IPO9: variants seen among roughly 807,000 people sequenced by gnomAD.
The protein encoded by IPO9 is importin 9.
IPO9 carries 28 observed loss-of-function variants against 128.6 expected under a neutral mutation model. That is an observed-to-expected ratio of 0.22 (90% CI 0.16 to 0.30). IPO9 has a LOEUF of 0.30. Ranked by LOEUF, IPO9 falls within the 10% of genes least tolerant of loss-of-function variation. IPO9 has a pLI of 1.00. For missense variants in IPO9, 935 were observed against 1,293.9 expected (o/e 0.72, Z 4.26); for synonymous variants, 455 against 475.8 (o/e 0.96, Z 0.57).
chr1:201,879,371 C>A lies in IPO9; in HGVS notation c.*3317C>A, dbSNP rs1400869377. The stretch of plus-strand genomic sequence containing the variant: ...AAGTTGGTAACTGACCACTAACTAA[C>A]AAACTATAAATTCACCCATTGTGGG... On this transcript the variant is annotated 3_prime_UTR_variant, in exon 24 of 24. Transcript: ENST00000361565. 1 of 152,198 alleles carries A rather than the reference C, an allele frequency of 6.6e-6. No homozygotes were observed. Among genetic ancestry groups the A allele is most frequent in the East Asian group, 1.9e-4 (1 of 5,188 alleles). 9.4% of individuals were successfully genotyped at this position (152,198 alleles called of 1,614,324 possible).
intron 1 of IPO9, among the ~76,000 whole-genome samples, chr1:201,838,952 C>CT (rs1679987926): frequency 6.7e-6 from 1 of 148,520 alleles, no homozygotes; most frequent in Non-Finnish European, 1.5e-5. Flanking sequence ...TGGAGCCTTG[C>CT]TGTGTCACCC....
At position 201,883,457 on chromosome 1, in the gene IPO9, T is replaced by C. The variant is rs1303277652; in HGVS notation, c.*7403T>C. On this transcript the variant is annotated 3_prime_UTR_variant, in exon 24 of 24. Coordinates refer to ENST00000361565, the MANE Select transcript of IPO9 (RefSeq NM_018085.5). ...ATTGTGGCAAAGCACCTGGAGATGA[T>C]AGAACTTCCTAGGGAAAAGGCTGCA... The C allele has an allele frequency of 6.6e-6, 1 of 152,116 alleles. No homozygotes were observed. Among genetic ancestry groups the C allele is most frequent in the Non-Finnish European group, 1.5e-5 (1 of 68,016 alleles). The allele number at this position is 152,116 out of a possible 1,614,324, so 9.4% of individuals were successfully genotyped here. A position where few individuals can be genotyped will look rare whatever the true frequency, so the allele number is the denominator to read the frequency against.
chr1:201,838,632 G>T (rs770106152), intron 1 of IPO9, among the ~76,000 whole-genome samples: 3 of 152,018 alleles, frequency 2.0e-5, no homozygotes, highest in Non-Finnish European at 4.4e-5. Context: ...CAGAAAGAAT[G>T]TGGCTTCTTC....
intron 13 of IPO9, among the ~76,000 whole-genome samples, chr1:201,859,396 A>G (rs1340795402): frequency 6.6e-6 from 1 of 151,766 alleles, no homozygotes; most frequent in Non-Finnish European, 1.5e-5. Context: ...CTAGTTCATA[A>G]TTCTTCCGTG....
intron 1 of IPO9, among the ~76,000 whole-genome samples, chr1:201,841,517 T>C (rs1018786441): frequency 6.6e-6 from 1 of 152,190 alleles, no homozygotes; most frequent in Non-Finnish European, 1.5e-5. Flanking sequence ...TTCCTAGCTC[T>C]GTTCTCTGAG....
At chr1:201,850,338 G>T (rs778558069) in intron 4 of IPO9, 1 of 152,232 alleles carries the variant, frequency 6.6e-6, no homozygotes, top group South Asian at 2.1e-4. Flanking sequence ...GACATTGGTG[G>T]TTGGACAGAG....
intron 4 of IPO9, 117 bp from the exon 5 acceptor site, chr1:201,851,987 T>C: frequency 1.7e-6 from 1 of 593,324 alleles, no homozygotes; most frequent in Non-Finnish European, 3.0e-6. Context: ...GCCAGTGTCT[T>C]TACCTGTGTG....
intron 3 of IPO9, 48 bp from the exon 4 acceptor site, chr1:201,848,345 G>A: frequency 2.0e-6 from 3 of 1,526,048 alleles, no homozygotes; most frequent in Non-Finnish European, 1.8e-6. Context: ...GGCTCTGCCA[G>A]TCACTTTTAA....
At chr1:201,861,114 C>T (rs1244121155) in intron 13 of IPO9, among the ~76,000 whole-genome samples, 2 of 151,876 alleles carry the variant, frequency 1.3e-5, no homozygotes, top group East Asian at 1.9e-4. Flanking sequence ...TGCAGTGAGC[C>T]GAGATTGTGC....
Position 201,881,246 on chromosome 1 carries a change from G to A in IPO9, c.*5192G>A, listed in dbSNP as rs966173094. The A allele has an allele frequency of 9.6e-6, 1 of 104,052 alleles. No individual in the cohort carries two copies. Among genetic ancestry groups the A allele is most frequent in the Non-Finnish European group, 1.9e-5 (1 of 52,030 alleles). The allele number at this position is 104,052 out of a possible 1,614,324, so 6.4% of individuals were successfully genotyped here. A position where few individuals can be genotyped will look rare whatever the true frequency, so the allele number is the denominator to read the frequency against. On this transcript the variant is annotated 3_prime_UTR_variant, in exon 24 of 24. Coordinates refer to ENST00000361565, the MANE Select transcript of IPO9 (RefSeq NM_018085.5). ...GGAGTATTTAAACGCCAGTGGGTAT[G>A]CTAAATACTTTTACCTCAGACCACC...
intron 1 of IPO9, among the ~76,000 whole-genome samples, chr1:201,847,042 G>A (rs1175844245): frequency 2.0e-5 from 3 of 152,228 alleles, no homozygotes; most frequent in African/African-American, 7.2e-5. Flanking sequence ...TGGCTGGAAG[G>A]TGCTATGCAG....
At chr1:201,864,490 G>C (rs1318532316) in intron 14 of IPO9, among the ~76,000 whole-genome samples, 1 of 152,188 alleles carries the variant, frequency 6.6e-6, no homozygotes, top group Non-Finnish European at 1.5e-5. Context: ...AGGCATGAAT[G>C]TTATTTTAAG....
Position 201,863,603 on chromosome 1 carries a change from TG to T in IPO9, c.1628+1del. 6.3e-7 allele frequency: 1 copy of T among 1,585,084 alleles called. No individual in the cohort carries two copies. The highest frequency in any genetic ancestry group is 8.6e-7 in the Non-Finnish European group (1 of 1,156,566). ...TCGAATTTCTGCAGTGAGAGCCATC[TG>T]GGGGTGAGTATGCTACCCTAGCGTG... ...SVRISAVRAIWGYCDQLKVSE... is the reference protein window; with the variant it reads ...SVRISAVRAIXGYCDQLKVSE... On this transcript the variant is annotated frameshift_variant, in exon 14 of 24. Transcript: ENST00000361565. LOFTEE classifies it high-confidence loss of function.
At chr1:201,846,361 TTTTTG>T (rs1417905896) in intron 1 of IPO9, among the ~76,000 whole-genome samples, 1 of 152,162 alleles carries the variant, frequency 6.6e-6, no homozygotes, top group East Asian at 1.9e-4. Flanking sequence ...TGATATTTTG[TTTTTG>T]TTTTGTTTTG....
chr1:201,856,055 T>G (rs2102879358), intron 10 of IPO9, 121 bp downstream of exon 10: 1 of 786,342 alleles, frequency 1.3e-6, no homozygotes, highest in South Asian at 2.2e-5. Flanking sequence ...AATAATTTCA[T>G]GTGAAGTTCT....
chr1:201,865,839 C>T (rs951604634), intron 14 of IPO9, among the ~76,000 whole-genome samples: 34 of 152,178 alleles, frequency 2.2e-4, no homozygotes, highest in Admixed American at 1.8e-3. Flanking sequence ...CACCTGTGAT[C>T]CCAGCACTTT....
Position 201,883,942 on chromosome 1 carries a change from A to G in IPO9, c.*7888A>G, listed in dbSNP as rs1174928944. 6.6e-6 allele frequency: 1 copy of G among 152,266 alleles called. No individual in the cohort carries two copies. The highest frequency in any genetic ancestry group is 6.5e-5 in the Admixed American group (1 of 15,288). The allele number at this position is 152,266 out of a possible 1,614,324, so 9.4% of individuals were successfully genotyped here. ...TCCCTTGAACAGGGAGAGAGACACA[A>G]TGGATCAGAGTGTCTCTGCCAGTTC... On this transcript the variant is annotated 3_prime_UTR_variant, in exon 24 of 24. Transcript: ENST00000361565.
chr1:201,863,481 C>A lies in IPO9; in HGVS notation c.1502C>A (p.Ala501Asp). Residue 501 changes from alanine to aspartate, a missense_variant, in exon 14 of 24, where the codon GCT (alanine) becomes GAT (aspartate). Around this residue, in one of 3 missense-constraint regions of IPO9, gnomAD observed 741 missense variants for 1,019.1 expected, o/e 0.73. Coordinates refer to ENST00000361565, the MANE Select transcript of IPO9 (RefSeq NM_018085.5). ...TTCCTCTTGGGCCGGGCACTTTGGG[C>A]TGCCAGTCGGTTCACTGTTGCTATG... The part of the protein sequence containing the change: ...SPFLLGRALW[A>D]ASRFTVAMSP... 1 of 1,591,020 alleles carries A rather than the reference C, an allele frequency of 6.3e-7. No individual in the cohort carries two copies. The highest frequency in any genetic ancestry group is 8.6e-7 in the Non-Finnish European group (1 of 1,161,656).
At chr1:201,852,397 A>G (rs1680236155) in intron 5 of IPO9, among the ~76,000 whole-genome samples, 1 of 152,194 alleles carries the variant, frequency 6.6e-6, no homozygotes, top group African/African-American at 2.4e-5. Context: ...AATAGCTGAA[A>G]TATTTCTTCA....
Sources: gnomAD v4.1 joint callset for allele counts (sites outside exome capture counted in the v4.1 genomes callset) on GRCh38, gnomAD v4.1.1 for gene constraint, gnomAD v4.1.1 regional missense constraint, MANE v1.5 for transcripts, NCBI Gene and HGNC (gene_info 2026-07-23, HGNC 2026-07-21) for gene names.